The following SCHIP1 variants were observed in gnomAD, a reference collection of about 807,000 sequenced individuals.
The protein encoded by SCHIP1 is schwannomin-interacting protein 1.
SCHIP1 carries 8 observed loss-of-function variants against 29.7 expected under a neutral mutation model. That is an observed-to-expected ratio of 0.27 (90% confidence interval 0.16 to 0.49). The LOEUF (loss-of-function observed/expected upper bound fraction) is 0.49. SCHIP1 is among the 20% of genes least tolerant of loss of function. SCHIP1 has a pLI of 0.99. For missense variants in SCHIP1, 193 were observed against 294.6 expected (o/e 0.66, Z 2.52); for synonymous variants, 76 against 94.9 (o/e 0.80, Z 1.16).
chr3:159,656,421 C>T, the SCHIP1 span, among the ~76,000 whole-genome samples: 1 of 152,162 alleles, frequency 6.6e-6, no homozygotes, highest in African/African-American at 2.4e-5. Flanking sequence ...TCCTCTTGTA[C>T]CTTAGAGAGT....
At chr3:159,787,034 CT>C in the SCHIP1 span, among the ~76,000 whole-genome samples, 3 of 152,098 alleles carry the variant, frequency 2.0e-5, no homozygotes, top group Non-Finnish European at 2.9e-5. Flanking sequence ...GACTTTGGGT[CT>C]GATTAGATAC....
chr3:159,750,349 TA>T, the SCHIP1 span, among the ~76,000 whole-genome samples: 1 of 151,016 alleles, frequency 6.6e-6, no homozygotes, highest in African/African-American at 2.4e-5. Flanking sequence ...ATATATAATT[TA>T]TATGTTTGCT....
chr3:159,644,789 G>A, the SCHIP1 span, among the ~76,000 whole-genome samples: 139 of 152,082 alleles, frequency 9.1e-4, 3 homozygotes, highest in East Asian at 0.021. Flanking sequence ...GTCATTTAAC[G>A]TATAAGCATT....
At chr3:159,374,675 C>A in the SCHIP1 span, among the ~76,000 whole-genome samples, 1 of 152,118 alleles carries the variant, frequency 6.6e-6, no homozygotes, top group Non-Finnish European at 1.5e-5. Flanking sequence ...AACTTTCAAC[C>A]TTATGACTCT....
the SCHIP1 span, among the ~76,000 whole-genome samples, chr3:159,395,304 TG>T: frequency 2.0e-5 from 3 of 152,224 alleles, no homozygotes; most frequent in African/African-American, 7.2e-5. Context: ...AAGGGTTTTT[TG>T]TGTCTCTATT....
intron 2 of SCHIP1, among the ~76,000 whole-genome samples, chr3:159,877,174 C>G (rs760679190): frequency 6.6e-5 from 10 of 151,984 alleles, no homozygotes; most frequent in Non-Finnish European, 1.2e-4. Flanking sequence ...CATGATGAAA[C>G]CCCCATCTCT....
At chr3:159,591,046 G>C in the SCHIP1 span, among the ~76,000 whole-genome samples, 10 of 152,036 alleles carry the variant, frequency 6.6e-5, no homozygotes, top group Non-Finnish European at 1.5e-4. Flanking sequence ...TTAAAACAAA[G>C]CCTCTCCTTA....
chr3:159,428,958 A>G, the SCHIP1 span, among the ~76,000 whole-genome samples: 3 of 151,230 alleles, frequency 2.0e-5, no homozygotes, highest in Non-Finnish European at 4.4e-5. Context: ...AAAAAGCCAA[A>G]CACCGCATGT....
chr3:159,363,802 T>C, the SCHIP1 span, among the ~76,000 whole-genome samples: 3 of 152,226 alleles, frequency 2.0e-5, no homozygotes, highest in Admixed American at 6.5e-5. Flanking sequence ...TTGGTGTCAG[T>C]TGTCCCTATT....
chr3:159,382,519 T>C, the SCHIP1 span, among the ~76,000 whole-genome samples: 1 of 152,192 alleles, frequency 6.6e-6, no homozygotes, highest in Non-Finnish European at 1.5e-5. Context: ...GTTGGATATT[T>C]GGGTTGGTCC....
the SCHIP1 span, among the ~76,000 whole-genome samples, chr3:159,349,906 T>C: frequency 6.6e-6 from 1 of 152,226 alleles, no homozygotes; most frequent in Non-Finnish European, 1.5e-5. Flanking sequence ...CTTAAACTTT[T>C]AAGCTCTATC....
the SCHIP1 span, among the ~76,000 whole-genome samples, chr3:159,488,362 A>T: frequency 6.6e-6 from 1 of 152,188 alleles, no homozygotes; most frequent in Non-Finnish European, 1.5e-5. Context: ...GAAAGGATAA[A>T]TGCTTGAGGT....
the SCHIP1 span, among the ~76,000 whole-genome samples, chr3:159,450,716 C>A: frequency 2.6e-5 from 4 of 152,100 alleles, no homozygotes; most frequent in African/African-American, 9.7e-5. Flanking sequence ...TCCCCCAAAC[C>A]CATCCTATAG....
At chr3:159,518,002 A>G in the SCHIP1 span, among the ~76,000 whole-genome samples, 1 of 152,148 alleles carries the variant, frequency 6.6e-6, no homozygotes, top group Non-Finnish European at 1.5e-5. Context: ...ATCCATCACT[A>G]TGGAAATGGC....
the SCHIP1 span, among the ~76,000 whole-genome samples, chr3:159,277,148 C>T: frequency 4.6e-5 from 7 of 151,928 alleles, no homozygotes; most frequent in African/African-American, 1.7e-4. Context: ...ACCACAATGG[C>T]AGGAAAAAAA....
the SCHIP1 span, among the ~76,000 whole-genome samples, chr3:159,422,644 A>G: frequency 6.6e-6 from 1 of 152,210 alleles, no homozygotes; most frequent in Non-Finnish European, 1.5e-5. Context: ...TCAGCAGTAC[A>G]GTATGGATTA....
the SCHIP1 span, among the ~76,000 whole-genome samples, chr3:159,775,276 T>TG: frequency 5.5e-4 from 84 of 152,354 alleles, no homozygotes; most frequent in Non-Finnish European, 1.0e-3. Flanking sequence ...GGAAAGTGTG[T>TG]GGGGTTGGGC....
the SCHIP1 span, among the ~76,000 whole-genome samples, chr3:159,726,134 T>C: frequency 6.6e-6 from 1 of 152,226 alleles, no homozygotes; most frequent in Non-Finnish European, 1.5e-5. Flanking sequence ...TGAAGGTATA[T>C]AGTTTTTCAA....
At chr3:159,428,515 A>G in the SCHIP1 span, among the ~76,000 whole-genome samples, 1 of 152,246 alleles carries the variant, frequency 6.6e-6, no homozygotes, top group African/African-American at 2.4e-5. Flanking sequence ...CACACCAGTT[A>G]GAATGGCAAT....
Sources: allele counts gnomAD v4.1 joint callset (sites outside exome capture counted in the v4.1 genomes callset), GRCh38; gene constraint gnomAD v4.1.1; transcripts MANE v1.5; gene names NCBI Gene and HGNC (gene_info 2026-07-23, HGNC 2026-07-21).